EPB41L4A: variants seen among roughly 807,000 people sequenced by gnomAD.
EPB41L4A encodes the protein erythrocyte membrane protein band 4.1 like 4A.
EPB41L4A carries 100 observed loss-of-function variants against 108.6 expected under a neutral mutation model. The observed-to-expected ratio is 0.92, with a 90% confidence interval of 0.78 to 1.09. The LOEUF (loss-of-function observed/expected upper bound fraction) is 1.09, where lower values mean the gene tolerates loss of function less well. EPB41L4A is among the 50% of genes least tolerant of loss of function. The pLI, the probability that EPB41L4A is intolerant of heterozygous loss-of-function variation, is 0.00. For synonymous variants in EPB41L4A, 319 were observed against 289.0 expected (o/e 1.10, Z -1.05); for missense variants, 1,030 against 842.7 (o/e 1.22, Z -2.75).
chr5:112,408,313 G>C (rs1762200231), intron 1 of EPB41L4A, among the ~76,000 whole-genome samples: 1 of 152,054 alleles, frequency 6.6e-6, no homozygotes, highest in Non-Finnish European at 1.5e-5. Flanking sequence ...TCTCAGATAT[G>C]ACACCAAAAG....
At chr5:112,173,781 T>C (rs985770080) in intron 18 of EPB41L4A, 12 of 152,138 alleles carry the variant, frequency 7.9e-5, no homozygotes, top group Admixed American at 2.6e-4. Flanking sequence ...GTAGCTGGGA[T>C]TGCAGGCATG....
At chr5:112,209,743 G>A in intron 13 of EPB41L4A, 149 bp downstream of exon 13, 1 of 480,204 alleles carries the variant, frequency 2.1e-6, no homozygotes, top group Non-Finnish European at 3.7e-6. Flanking sequence ...GTGTTTTAAT[G>A]TATTATTTGG....
chr5:112,340,756 TTTAA>T (rs1757263324), intron 1 of EPB41L4A, among the ~76,000 whole-genome samples: 1 of 152,222 alleles, frequency 6.6e-6, no homozygotes, highest in South Asian at 2.1e-4. Flanking sequence ...AAATGATCCA[TTTAA>T]AAAGGACGTA....
chr5:112,327,478 C>T (rs927193132), intron 1 of EPB41L4A, among the ~76,000 whole-genome samples: 1 of 151,932 alleles, frequency 6.6e-6, no homozygotes, highest in African/African-American at 2.4e-5. Flanking sequence ...CACTTTGGGA[C>T]ACAAAGGTGG....
In EPB41L4A at chr5:112,231,587, C is replaced by A. The variant is rs373562765; in HGVS notation, c.1087+3047G>T. On this transcript the variant is annotated intron_variant, in intron 12 of 22. Transcript: ENST00000261486. The stretch of plus-strand genomic sequence containing the variant: ...GATCATGAGGTCAGGAGATCGAGAC[C>A]ATCCTGGCTAACAAGGTGAAACCCC... 2.0e-5 allele frequency among the ~76,000 whole-genome samples: 3 copies of A among 151,058 alleles called. No individual in the cohort carries two copies. The East Asian group carries it at 5.9e-4, about 30-fold the overall frequency.
At chr5:112,316,448 C>T (rs964655966) in intron 1 of EPB41L4A, among the ~76,000 whole-genome samples, 1 of 152,026 alleles carries the variant, frequency 6.6e-6, no homozygotes, top group Non-Finnish European at 1.5e-5. Context: ...AGTGGGCGCA[C>T]GGAGGAGACA....
At chr5:112,292,276 G>A (rs1428731668) in intron 2 of EPB41L4A, among the ~76,000 whole-genome samples, 2 of 152,148 alleles carry the variant, frequency 1.3e-5, no homozygotes, top group Admixed American at 1.3e-4. Flanking sequence ...TCCCAGTTCA[G>A]GCTGTGCTGA....
chr5:112,403,102 C>A (rs1291240161), intron 1 of EPB41L4A, among the ~76,000 whole-genome samples: 5 of 151,932 alleles, frequency 3.3e-5, no homozygotes, highest in Middle Eastern at 3.4e-3. Context: ...AGTTTTTTCA[C>A]CCCCATTCAC....
At chr5:112,253,999 G>A (rs1750882569) in intron 9 of EPB41L4A, among the ~76,000 whole-genome samples, 1 of 152,150 alleles carries the variant, frequency 6.6e-6, no homozygotes, top group Non-Finnish European at 1.5e-5. Flanking sequence ...GCAAGCCGGA[G>A]AGTTCTGCCA....
chr5:112,321,852 G>T (rs1457181477), intron 1 of EPB41L4A, among the ~76,000 whole-genome samples: 2 of 152,188 alleles, frequency 1.3e-5, no homozygotes, highest in African/African-American at 4.8e-5. Context: ...GCAGCCCCAT[G>T]ATGTGGCTGT....
chr5:112,390,937 T>G (rs1015062482), intron 1 of EPB41L4A, among the ~76,000 whole-genome samples: 4 of 152,134 alleles, frequency 2.6e-5, no homozygotes, highest in Non-Finnish European at 4.4e-5. Flanking sequence ...ACAGGGTCTG[T>G]AGTGGACCTC....
At chr5:112,374,793 A>G (rs193069235) in intron 1 of EPB41L4A, among the ~76,000 whole-genome samples, 1 of 152,282 alleles carries the variant, frequency 6.6e-6, no homozygotes, top group African/African-American at 2.4e-5. Flanking sequence ...TTAAAACATT[A>G]TTTTTCTCAG....
At chr5:112,190,573 C>T (rs899982897) in intron 17 of EPB41L4A, among the ~76,000 whole-genome samples, 2 of 152,106 alleles carry the variant, frequency 1.3e-5, no homozygotes, top group South Asian at 2.1e-4. Context: ...CAGGAGATGC[C>T]GTAGCAGTGA....
At chr5:112,261,693 A>G (rs1751495205) in intron 7 of EPB41L4A, among the ~76,000 whole-genome samples, 1 of 152,156 alleles carries the variant, frequency 6.6e-6, no homozygotes. Context: ...CTGCAAAAAT[A>G]TTTCTATTAA....
At chr5:112,339,090 C>G (rs1757102355) in intron 1 of EPB41L4A, among the ~76,000 whole-genome samples, 1 of 152,076 alleles carries the variant, frequency 6.6e-6, no homozygotes, top group Non-Finnish European at 1.5e-5. Flanking sequence ...AGGGAAAAAT[C>G]AACAGGCCTG....
At chr5:112,376,868 T>C (rs1422956916) in intron 1 of EPB41L4A, among the ~76,000 whole-genome samples, 1 of 151,714 alleles carries the variant, frequency 6.6e-6, no homozygotes, top group Non-Finnish European at 1.5e-5. Flanking sequence ...GTTGCCAGAG[T>C]TTAAGAGGTG....
At chr5:112,384,156 A>G (rs1372880452) in intron 1 of EPB41L4A, among the ~76,000 whole-genome samples, 1 of 152,158 alleles carries the variant, frequency 6.6e-6, no homozygotes, top group Non-Finnish European at 1.5e-5. Context: ...AGGTGATAAA[A>G]CAAGTTATAA....
rs1188045164 is a variant in EPB41L4A, at chr5:112,392,671, G to C, written c.99+26270C>G. On this transcript the variant is annotated intron_variant, in intron 1 of 22. Transcript: ENST00000261486. ...CTTTAACACCCCACTGTCAATATTA[G>C]ACAGATCAATGAGACAGAAGGTTAA... is the stretch of plus-strand genomic sequence containing the variant. The C allele has an allele frequency of 2.0e-5, 3 of 152,180 alleles. No homozygotes were observed. In the South Asian group the frequency reaches 6.2e-4, roughly 32 times the overall value. 9.4% of individuals were successfully genotyped at this position (152,180 alleles called of 1,614,324 possible).
At chr5:112,339,490 A>ATCTATATC (rs34857865) in intron 1 of EPB41L4A, among the ~76,000 whole-genome samples, 2 of 119,754 alleles carry the variant, frequency 1.7e-5, no homozygotes, top group African/African-American at 7.6e-5. Flanking sequence ...ATATATATAT[A>ATCTATATC]TATATCTATA....
Sources: gnomAD v4.1 joint callset for allele counts (sites outside exome capture counted in the v4.1 genomes callset) on GRCh38, gnomAD v4.1.1 for gene constraint, MANE v1.5 for transcripts, NCBI Gene and HGNC (gene_info 2026-07-23, HGNC 2026-07-21) for gene names.